TASOR2: variants seen among roughly 807,000 people sequenced by gnomAD.
The protein encoded by TASOR2 is transcription activation suppressor family member 2.
TASOR2 carries 84 observed loss-of-function variants against 199.5 expected under a neutral mutation model. The observed-to-expected ratio is 0.42, with a 90% CI of 0.35 to 0.50. The LOEUF (loss-of-function observed/expected upper bound fraction) is 0.50, where lower values mean the gene tolerates loss of function less well. TASOR2 is among the 20% of genes least tolerant of loss of function. The pLI is 0.02. For missense variants in TASOR2, 2,796 were observed against 2,835.9 expected (o/e 0.99, Z 0.32); for synonymous variants, 1,103 against 1,046.6 (o/e 1.05, Z -1.04).
rs1308362486 is a variant in TASOR2 at position 5,749,194 on chromosome 10, T to TA, written c.5774dup (p.Tyr1925Ter). Residue 1925 changes from tyrosine to a stop codon, truncating the protein, a stop_gained and frameshift_variant, in exon 15 of 21, where the codon TAC (tyrosine) becomes TAAC (stop). Transcript: ENST00000328090. LOFTEE classifies it high-confidence loss of function. ...AGATCTCCACGGGATCCTCAGGACT[T>TA]ACGCCAACTTCTCTATAACAAAAGA... 4 of 1,614,054 alleles carry TA rather than the reference T, an allele frequency of 2.5e-6. No homozygotes were observed. The highest frequency in any genetic ancestry group is 3.4e-6 in the Non-Finnish European group (4 of 1,179,994).
At chr10:5,745,596 G>A (rs913325282) in intron 14 of TASOR2, among the ~76,000 whole-genome samples, 2 of 151,916 alleles carry the variant, frequency 1.3e-5, no homozygotes, top group Admixed American at 6.6e-5. Context: ...CCTGGCCAAC[G>A]TGGCTAAACC....
intron 6 of TASOR2, 70 bp downstream of exon 7, chr10:5,721,040 C>A (rs1202226944): frequency 2.5e-6 from 3 of 1,210,248 alleles, no homozygotes; most frequent in Non-Finnish European, 3.6e-6. Context: ...TTCCTCACCT[C>A]ATTTCAAGGG....
intron 2 of TASOR2, 77 bp from the exon 3 acceptor site, chr10:5,714,058 T>TAA (rs3834899): frequency 0.47 from 283,595 of 604,142 alleles, 49,448 homozygotes; most frequent in Admixed American, 0.53. Context: ...AAAATAAAAT[T>TAA]AAAAAAAAAA....
At position 5,730,665 on chromosome 10, in the gene TASOR2, G is replaced by A; in HGVS notation, c.666G>A (p.Leu222=). ...ACAAGGCGGACAGAAGCCCTTCATT[G>A]AGTGTTGCTCCTCAGGATAGAATGA... The change falls in exon 11 of 21, where the codon TTG becomes TTA. Residue 222 remains leucine (L), a synonymous_variant. Transcript: ENST00000328090. The surrounding 1 kb of genome is among the most constrained non-coding windows in gnomAD (Gnocchi z 4.1). 1 of 1,614,182 alleles carries A rather than the reference G, an allele frequency of 6.2e-7. No individual in the cohort carries two copies. The highest frequency in any genetic ancestry group is 8.5e-7 in the Non-Finnish European group (1 of 1,180,032).
chr10:5,741,572 T>TA (rs1784316392), intron 13 of TASOR2, among the ~76,000 whole-genome samples: 1 of 152,230 alleles, frequency 6.6e-6, no homozygotes, highest in Admixed American at 6.5e-5. Flanking sequence ...TATTTCCCCT[T>TA]ACTGTTTCAG....
chr10:5,735,581 C>CA lies in TASOR2; in HGVS notation c.1447+37dup, dbSNP rs756787241. 8 of 1,598,320 alleles carry CA rather than the reference C, an allele frequency of 5.0e-6. No homozygotes were observed. In the African/African-American group the frequency reaches 8.1e-5, roughly 16 times the overall value. ...ACTCTTCCTATAAATTTAAACACCCCAATACAGATCTAACAGAGAGTGCAA... is the reference window on the plus strand; with the variant it reads ...ACTCTTCCTATAAATTTAAACACCCCAAATACAGATCTAACAGAGAGTGCAA... On this transcript the variant is annotated intron_variant, in intron 12 of 20. Transcript: ENST00000328090.
intron 7 of TASOR2, 103 bp downstream of exon 8, chr10:5,723,880 A>G: frequency 1.6e-6 from 1 of 620,456 alleles, no homozygotes; most frequent in African/African-American, 1.9e-5. Flanking sequence ...TTTCATCATA[A>G]GTGACTCTTA....
intron 15 of TASOR2, among the ~76,000 whole-genome samples, chr10:5,753,354 G>T (rs1336206528): frequency 6.6e-6 from 1 of 150,968 alleles, no homozygotes; most frequent in Non-Finnish European, 1.5e-5. Flanking sequence ...GTTTGCCAAG[G>T]TTTGTTTGTT....
chr10:5,709,705 C>A, intron 1 of TASOR2: 4 of 1,215,256 alleles, frequency 3.3e-6, no homozygotes, highest in South Asian at 4.2e-5. Context: ...ACTAATGAAT[C>A]CAGAATAGAA....
intron 1 of TASOR2, among the ~76,000 whole-genome samples, chr10:5,694,035 G>A (rs1051290531): frequency 2.6e-5 from 4 of 151,990 alleles, no homozygotes; most frequent in African/African-American, 9.7e-5. Flanking sequence ...CTGAGTGGAT[G>A]ACTTAAATAG....
At position 5,732,000 on chromosome 10, in the gene TASOR2, C is replaced by T. The variant is rs1588782648; in HGVS notation, c.1204+797C>T. The stretch of plus-strand genomic sequence containing the variant: ...CTTTATGTGTATCACAGAGTTTTTA[C>T]GTGAGCACCTGGATTATTCGTGTGG... On this transcript the variant is annotated intron_variant, in intron 11 of 20. Coordinates refer to ENST00000328090, the Ensembl canonical transcript of TASOR2. Among the ~76,000 whole-genome samples the T allele has an allele frequency of 5.3e-5, 8 of 152,298 alleles. No homozygotes were observed. The Middle Eastern group carries it at 0.014, about 259-fold the overall frequency.
At chr10:5,728,492 T>C (rs1834354722) in intron 10 of TASOR2, among the ~76,000 whole-genome samples, 1 of 151,830 alleles carries the variant, frequency 6.6e-6, no homozygotes, top group Non-Finnish European at 1.5e-5. Flanking sequence ...AAAAATTAGC[T>C]GGGCTTGGTG....
Position 5,742,686 on chromosome 10 carries a change from G to A in TASOR2, c.2757+160G>A, listed in dbSNP as rs7100576. Among the ~76,000 whole-genome samples the A allele has an allele frequency of 0.54, 81,609 of 151,920 alleles. 22,580 individuals carry two copies. The highest frequency in any genetic ancestry group is 0.66 in the Middle Eastern group (192 of 292). On this transcript the variant is annotated intron_variant, in intron 14 of 20. Transcript: ENST00000328090. This position sits in a 1 kb window ranked among gnomAD's most constrained non-coding sequence, Gnocchi z 4.2. ...ACACCAAAAACCTAGTTTTCATGAA[G>A]TGTCCTTGAATTGTCTGCAGGTAGA...
At chr10:5,712,269 T>C in intron 1 of TASOR2, 2 of 629,786 alleles carry the variant, frequency 3.2e-6, no homozygotes, top group Non-Finnish European at 2.3e-6. Context: ...GTTAAGACAG[T>C]ACAAATATTT....
At chr10:5,695,549 A>G (rs911998070) in intron 1 of TASOR2, among the ~76,000 whole-genome samples, 2 of 152,204 alleles carry the variant, frequency 1.3e-5, no homozygotes, top group African/African-American at 4.8e-5. Flanking sequence ...CTACCATTGT[A>G]GGAGGTAGCT....
At chr10:5,712,683 A>G in intron 1 of TASOR2, 140 bp from the exon 2 acceptor site, 1 of 776,180 alleles carries the variant, frequency 1.3e-6, no homozygotes, top group Non-Finnish European at 1.7e-6. Context: ...TTGGAAGGTA[A>G]TTATTCTAGG....
At chr10:5,713,100 A>G (rs1279129458) in intron 2 of TASOR2, among the ~76,000 whole-genome samples, 182 bp downstream of exon 2, 1 of 152,126 alleles carries the variant, frequency 6.6e-6, no homozygotes, top group Non-Finnish European at 1.5e-5. Context: ...GATTTCTACA[A>G]CTTTTCACGG....
At chr10:5,739,499 G>C in intron 12 of TASOR2, 119 bp from the exon 14 acceptor site, 2 of 913,580 alleles carry the variant, frequency 2.2e-6, no homozygotes, top group South Asian at 3.7e-5. Context: ...ATTTTAATAT[G>C]CAATATATGT....
chr10:5,731,005 G>A (rs1834737510), exon 11 of TASOR2: 2 of 1,614,034 alleles, frequency 1.2e-6, no homozygotes, highest in African/African-American at 1.3e-5. Context: ...AAAGAAGAGA[G>A]TTTTTCCATT....
Sources: gnomAD v4.1 joint callset for allele counts (sites outside exome capture counted in the v4.1 genomes callset) on GRCh38, gnomAD v4.1.1 for gene constraint, Gnocchi (gnomAD v3.1) non-coding constraint, MANE v1.5 for transcripts, NCBI Gene and HGNC (gene_info 2026-07-23, HGNC 2026-07-21) for gene names.